RGS3: variants seen among roughly 807,000 people sequenced by gnomAD.
The protein encoded by RGS3 is regulator of G-protein signalling 3.
RGS3 carries 80 observed loss-of-function variants against 132.6 expected under a neutral mutation model. The ratio of observed to expected loss-of-function variants is 0.60; its 90% CI spans 0.50 to 0.73. RGS3 has a LOEUF of 0.73. RGS3 is among the 30% of genes least tolerant of loss of function. The pLI is 0.00. For missense variants in RGS3, 1,382 were observed against 1,530.8 expected (o/e 0.90, Z 1.62); for synonymous variants, 598 against 620.6 (o/e 0.96, Z 0.54).
At position 113,507,332 on chromosome 9, in the gene RGS3, C is replaced by A; in HGVS notation, c.1131C>A (p.Pro377=). 1 of 1,613,936 alleles carries A rather than the reference C, an allele frequency of 6.2e-7. No individual in the cohort carries two copies. ...TCCTACTCGTGTGGCGCATGGTCCC[C>A]CAGGTCAAGCCAGGACCAGATGGCG... The change falls in exon 13 of 25, where the codon CCC becomes CCA. Residue 377 remains proline, a synonymous_variant. Transcript: ENST00000350696. This position sits in a 1 kb window ranked among gnomAD's most constrained non-coding sequence, Gnocchi z 5.0.
intron 18 of RGS3, among the ~76,000 whole-genome samples, chr9:113,535,290 C>T (rs968834776): frequency 1.3e-4 from 20 of 152,212 alleles, no homozygotes; most frequent in African/African-American, 4.3e-4. Flanking sequence ...TCTCCTGCCT[C>T]GGCCTCCTGA....
intron 7 of RGS3, among the ~76,000 whole-genome samples, chr9:113,490,552 C>T (rs1299167748): frequency 7.0e-6 from 1 of 142,698 alleles, no homozygotes; most frequent in Non-Finnish European, 1.5e-5. Flanking sequence ...GAACTTGTGG[C>T]CAGGGAACAG....
At chr9:113,541,371 A>G (rs1564546920) in intron 19 of RGS3, 1 of 1,613,780 alleles carries the variant, frequency 6.2e-7, no homozygotes, top group Non-Finnish European at 8.5e-7. Context: ...GGTCAACTCA[A>G]CCAATGCCAC....
intron 3 of RGS3, among the ~76,000 whole-genome samples, chr9:113,462,663 T>C (rs1188695601): frequency 3.3e-5 from 5 of 152,226 alleles, no homozygotes; most frequent in African/African-American, 1.2e-4. Flanking sequence ...CTAATACTTA[T>C]TAGACTTACC....
chr9:113,481,434 A>G (rs1830155686), intron 4 of RGS3, among the ~76,000 whole-genome samples: 1 of 152,190 alleles, frequency 6.6e-6, no homozygotes, highest in Non-Finnish European at 1.5e-5. Flanking sequence ...AACAGTAACC[A>G]GGATACTGGG....
chr9:113,471,845 G>A (rs569868857), intron 3 of RGS3, among the ~76,000 whole-genome samples: 4 of 152,120 alleles, frequency 2.6e-5, no homozygotes, highest in East Asian at 1.9e-4. Flanking sequence ...GGACCTCTTC[G>A]TAGGATTGCT....
chr9:113,487,396 C>T (rs555525060), intron 7 of RGS3, among the ~76,000 whole-genome samples: 17 of 152,194 alleles, frequency 1.1e-4, no homozygotes, highest in Non-Finnish European at 2.2e-4. Flanking sequence ...CAGGCGTGAG[C>T]CACCGCGCCC....
intron 19 of RGS3, chr9:113,541,322 A>G (rs373648392): frequency 4.3e-5 from 70 of 1,612,550 alleles, no homozygotes; most frequent in Non-Finnish European, 5.7e-5. Flanking sequence ...TTCCACAGAA[A>G]CTCCACCCTT....
At chr9:113,575,504 A>G (rs1348821749) in intron 19 of RGS3, among the ~76,000 whole-genome samples, 1 of 152,036 alleles carries the variant, frequency 6.6e-6, no homozygotes, top group South Asian at 2.1e-4. Flanking sequence ...CCTCCAGGGA[A>G]CTTGCCACCT....
At chr9:113,462,024 T>G (rs1173142101) in exon 3 of RGS3, 6 of 1,613,216 alleles carry the variant, frequency 3.7e-6, no homozygotes, top group Admixed American at 3.3e-5. Flanking sequence ...CCTGCAGGTC[T>G]GCCACGTCTC....
intron 1 of RGS3, among the ~76,000 whole-genome samples, chr9:113,455,113 T>C (rs896337554): frequency 6.6e-6 from 1 of 152,148 alleles, no homozygotes; most frequent in African/African-American, 2.4e-5. Context: ...TTGGAAAGTC[T>C]CTCCCGGGAA....
intron 19 of RGS3, among the ~76,000 whole-genome samples, chr9:113,558,300 G>A (rs369503341): frequency 4.6e-5 from 7 of 152,302 alleles, no homozygotes; most frequent in South Asian, 4.1e-4. Flanking sequence ...TCAGGAGTTC[G>A]AGACCAGCCT....
chr9:113,546,857 G>T (rs1490412544), intron 19 of RGS3, among the ~76,000 whole-genome samples: 1 of 152,192 alleles, frequency 6.6e-6, no homozygotes, highest in African/African-American at 2.4e-5. Context: ...AAACCAGCGA[G>T]TGATTCTGAA....
upstream of RGS3, among the ~76,000 whole-genome samples, chr9:113,459,257 G>A (rs984342280): frequency 8.6e-4 from 131 of 152,098 alleles, 9 homozygotes; most frequent in Non-Finnish European, 5.9e-5. Flanking sequence ...TATAGAATTA[G>A]CCTCTTAAAA....
In RGS3 at chr9:113,489,051, A is replaced by G. The variant is rs139535368; in HGVS notation, c.689+3358A>G. Among the ~76,000 whole-genome samples the G allele has an allele frequency of 2.3e-3, 350 of 152,380 alleles. 2 individuals are homozygous for G. Among genetic ancestry groups the G allele is most frequent in the Non-Finnish European group, 1.5e-3 (100 of 68,046 alleles). On this transcript the variant is annotated intron_variant, in intron 7 of 24. Transcript: ENST00000350696. ...TTCTTCTCTGTGCCAAGCACTTTAC[A>G]TACATTATCTCATTTTATCCTCATC...
chr9:113,580,460 A>G (rs1834734456), intron 19 of RGS3, among the ~76,000 whole-genome samples: 1 of 152,238 alleles, frequency 6.6e-6, no homozygotes, highest in South Asian at 2.1e-4. Context: ...CACTGTGAGG[A>G]GACTCAAATA....
At chr9:113,519,567 C>T (rs893369861) in intron 16 of RGS3, among the ~76,000 whole-genome samples, 9 of 149,934 alleles carry the variant, frequency 6.0e-5, no homozygotes, top group Admixed American at 1.3e-4. Context: ...GAAATCTCAG[C>T]ATTGGTTAGG....
chr9:113,523,904 C>G (rs925413099), intron 17 of RGS3, among the ~76,000 whole-genome samples: 9 of 152,184 alleles, frequency 5.9e-5, no homozygotes, highest in Non-Finnish European at 1.3e-4. Context: ...AGTGTTCCTC[C>G]TCCTCGGAAA....
chr9:113,510,170 C>T (rs894646905), intron 14 of RGS3, among the ~76,000 whole-genome samples: 8 of 152,052 alleles, frequency 5.3e-5, no homozygotes, highest in African/African-American at 1.2e-4. Flanking sequence ...TCCCATGTAT[C>T]GTTGAGAACA....
Sources: allele counts gnomAD v4.1 joint callset (sites outside exome capture counted in the v4.1 genomes callset), GRCh38; gene constraint gnomAD v4.1.1; non-coding constraint Gnocchi (gnomAD v3.1); transcripts MANE v1.5; gene names NCBI Gene and HGNC (gene_info 2026-07-23, HGNC 2026-07-21).